Variants in WNK3 observed in about 807,000 individuals in gnomAD.
WNK3 encodes WNK lysine deficient protein kinase 3.
WNK3 carries 18 observed loss-of-function variants against 116.7 expected under a neutral mutation model. The ratio of observed to expected loss-of-function variants is 0.15; its 90% CI spans 0.11 to 0.23. The LOEUF (loss-of-function observed/expected upper bound fraction) is 0.23. WNK3 is among the 10% of genes least tolerant of loss of function. The probability of loss-of-function intolerance (pLI) is 1.00; values close to 1 mark genes in which losing one functional copy is unlikely to be tolerated. For synonymous variants in WNK3, 404 were observed against 469.4 expected, an observed-to-expected ratio of 0.86 and a Z score of 1.80; for missense variants, 993 against 1,323.8, an observed-to-expected ratio of 0.75 and a Z score of 3.88.
At position 54,340,244 on chromosome X, in the gene WNK3, A is replaced by G. The variant is rs1435131544; in HGVS notation, c.-119-6452T>C. 4.5e-5 allele frequency among the ~76,000 whole-genome samples: 5 copies of G among 112,034 alleles called. No individual in the cohort carries two copies. The East Asian group carries it at 1.1e-3, about 25-fold the overall frequency. Reference sequence around the variant, plus strand: ...GGATACCTTCAAGAAAGAGGTGAAGACAACCTACAGGGGAGGAGAAAGTAT... The same window carrying G: ...GGATACCTTCAAGAAAGAGGTGAAGGCAACCTACAGGGGAGGAGAAAGTAT... On this transcript the variant is annotated intron_variant, in intron 1 of 23. Coordinates refer to ENST00000354646, the Ensembl canonical transcript of WNK3.
chrX:54,234,743 G>A (rs1392383488), intron 20 of WNK3, among the ~76,000 whole-genome samples: 8 of 105,915 alleles, frequency 7.6e-5, no homozygotes, highest in Non-Finnish European at 1.5e-4. Context: ...GGAGAATGGC[G>A]TGAACCCAGG....
intron 10 of WNK3, among the ~76,000 whole-genome samples, chrX:54,267,408 A>G (rs1278469852): frequency 2.7e-5 from 3 of 110,628 alleles, no homozygotes; most frequent in African/African-American, 9.9e-5. Flanking sequence ...TGCACCTGCT[A>G]TTTACCCACA....
At chrX:54,205,612 T>C (rs2067546245) in intron 22 of WNK3, among the ~76,000 whole-genome samples, 1 of 111,077 alleles carries the variant, frequency 9.0e-6, no homozygotes, top group Non-Finnish European at 1.9e-5. Context: ...CACACACACA[T>C]ACACACACAA....
chrX:54,252,503 C>T (rs1557154562), intron 13 of WNK3, among the ~76,000 whole-genome samples: 1 of 110,498 alleles, frequency 9.0e-6, no homozygotes, highest in African/African-American at 3.3e-5. Context: ...AATGCCATCT[C>T]TGTTAAAAAT....
chrX:54,233,608 T>C (rs1360717117), intron 20 of WNK3, among the ~76,000 whole-genome samples: 1 of 109,848 alleles, frequency 9.1e-6, no homozygotes, highest in Non-Finnish European at 1.9e-5. Context: ...AAGAAAAAGA[T>C]TAACAAATTT....
intron 10 of WNK3, among the ~76,000 whole-genome samples, chrX:54,289,444 C>T (rs1330145556): frequency 9.0e-6 from 1 of 111,051 alleles, no homozygotes; most frequent in Non-Finnish European, 1.9e-5. Context: ...AATAAGAAGG[C>T]TATTCCAGGG....
At chrX:54,341,644 T>C (rs782131285) in intron 1 of WNK3, among the ~76,000 whole-genome samples, 87 of 111,208 alleles carry the variant, frequency 7.8e-4, no homozygotes, top group Middle Eastern at 4.7e-3. Flanking sequence ...TGATATATGC[T>C]ACAACAAGGA....
chrX:54,241,745 G>A (rs2068023587), intron 17 of WNK3, among the ~76,000 whole-genome samples: 1 of 110,912 alleles, frequency 9.0e-6, no homozygotes, highest in Non-Finnish European at 1.9e-5. Flanking sequence ...TCTGAGGTCA[G>A]GAGTTCCAGA....
At position 54,232,763 on chromosome X, in the gene WNK3, A is replaced by C. The variant is rs782152494; in HGVS notation, c.4840+46T>G. ...TTATAATCATTTTACTAATTTTGCT[A>C]ATCTTGGACTAGATTTTTTAAAAAT... is the stretch of plus-strand genomic sequence containing the variant. On this transcript the variant is annotated intron_variant, in intron 21 of 23. Transcript: ENST00000354646. The C allele has an allele frequency of 3.7e-6, 4 of 1,084,650 alleles. 1 individual carries two copies. The South Asian group carries it at 8.2e-5, about 22-fold the overall frequency. The allele number at this position is 1,084,650 out of a possible 1,213,427, so 89.4% of individuals were successfully genotyped here.
chrX:54,279,022 C>T (rs998796533), intron 10 of WNK3, among the ~76,000 whole-genome samples: 4 of 110,692 alleles, frequency 3.6e-5, no homozygotes, highest in Non-Finnish European at 7.6e-5. Context: ...GAGCCAAGAT[C>T]GCGCCATCGC....
At chrX:54,235,248 G>A (rs781808374) in intron 20 of WNK3, among the ~76,000 whole-genome samples, 14 of 112,206 alleles carry the variant, frequency 1.2e-4, no homozygotes, top group Admixed American at 3.8e-4. Context: ...TCCAAGTGGA[G>A]CATTATTCAA....
chrX:54,336,995 T>C (rs1291877762), intron 1 of WNK3, among the ~76,000 whole-genome samples: 2 of 111,190 alleles, frequency 1.8e-5, no homozygotes, highest in Non-Finnish European at 1.9e-5. Flanking sequence ...ACTAGTATTG[T>C]ATGCAAGTGA....
At chrX:54,294,696 A>C in exon 8 of WNK3, 1 of 1,210,664 alleles carries the variant, frequency 8.3e-7, no homozygotes, top group South Asian at 1.8e-5. Flanking sequence ...CTGAGGGAAT[A>C]CATTCCCCAT....
chrX:54,199,724 CT>C (rs1399317409), intron 23 of WNK3, among the ~76,000 whole-genome samples: 1 of 111,598 alleles, frequency 9.0e-6, no homozygotes, highest in African/African-American at 3.3e-5. Context: ...ATCTCGGCTA[CT>C]CAGGAGGCTG....
intron 1 of WNK3, among the ~76,000 whole-genome samples, chrX:54,336,854 G>A (rs782793060): frequency 1.9e-3 from 212 of 111,127 alleles, no homozygotes; most frequent in African/African-American, 6.5e-3. Context: ...GTCTTACGGT[G>A]ACTCACAAAA....
chrX:54,356,849 G>A (rs781984498), intron 1 of WNK3, among the ~76,000 whole-genome samples: 4 of 109,983 alleles, frequency 3.6e-5, no homozygotes, highest in Admixed American at 2.9e-4. Context: ...CCCAAGATAC[G>A]GAGATACTCA....
chrX:54,262,678 G>A (rs1364779990), intron 10 of WNK3, among the ~76,000 whole-genome samples: 4 of 110,455 alleles, frequency 3.6e-5, no homozygotes, highest in East Asian at 2.8e-4. Flanking sequence ...TGGGCTGGGC[G>A]CAGTGGCTCA....
chrX:54,216,031 G>C (rs1455392298), intron 22 of WNK3, among the ~76,000 whole-genome samples: 1 of 110,341 alleles, frequency 9.1e-6, no homozygotes, highest in African/African-American at 3.3e-5. Context: ...GGGTTAAATG[G>C]ATTAAGGGCG....
chrX:54,310,107 ATAAT>A (rs1363214156), intron 3 of WNK3, among the ~76,000 whole-genome samples: 2 of 109,608 alleles, frequency 1.8e-5, no homozygotes, highest in African/African-American at 6.6e-5. Context: ...ATAAAAGACT[ATAAT>A]TAATAGTCTA....
Sources: allele counts gnomAD v4.1 joint callset (sites outside exome capture counted in the v4.1 genomes callset), GRCh38; gene constraint gnomAD v4.1.1; transcripts MANE v1.5; gene names NCBI Gene and HGNC (gene_info 2026-07-23, HGNC 2026-07-21).